The following NDST4 variants were observed in gnomAD, a reference collection of about 807,000 sequenced individuals.
NDST4 encodes N-heparan sulfate sulfotransferase 4.
Under a neutral mutation model 100.8 loss-of-function variants are expected in NDST4, and 63 were observed. The ratio of observed to expected loss-of-function variants is 0.62; its 90% confidence interval spans 0.51 to 0.77. The LOEUF (loss-of-function observed/expected upper bound fraction) is 0.77. NDST4 is among the 30% of genes least tolerant of loss of function. The pLI is 0.00. For missense variants in NDST4, 943 were observed against 1,018.4 expected (o/e 0.93, Z 1.01); for synonymous variants, 377 against 361.8 (o/e 1.04, Z -0.48).
intron 1 of NDST4, among the ~76,000 whole-genome samples, chr4:115,082,978 T>C (rs1729333216): frequency 6.6e-6 from 1 of 152,184 alleles, no homozygotes; most frequent in Non-Finnish European, 1.5e-5. Flanking sequence ...GTGTTGTAAA[T>C]TGGAATGACT....
chr4:114,994,509 C>A (rs1307528542), intron 2 of NDST4, among the ~76,000 whole-genome samples: 1 of 151,888 alleles, frequency 6.6e-6, no homozygotes, highest in Non-Finnish European at 1.5e-5. Flanking sequence ...ATGCTAGTAG[C>A]GTTTGAAACT....
rs907140510 is a variant in NDST4 at position 114,968,919 on chromosome 4, A to C, written c.1221+1511T>G. On this transcript the variant is annotated intron_variant, in intron 4 of 13. Transcript: ENST00000264363. The stretch of plus-strand genomic sequence containing the variant: ...AATGCAAATTGTCAGGCCTCTCTGC[A>C]GATCTACTGAATCAGAAACTGTGCT... Among the ~76,000 whole-genome samples the C allele has an allele frequency of 2.6e-5, 4 of 152,096 alleles. No homozygotes were observed. In the East Asian group the frequency reaches 7.7e-4, roughly 29 times the overall value.
At chr4:114,946,817 T>C (rs1220244466) in intron 4 of NDST4, among the ~76,000 whole-genome samples, 1 of 152,184 alleles carries the variant, frequency 6.6e-6, no homozygotes, top group Non-Finnish European at 1.5e-5. Context: ...TTTTAGGTTT[T>C]TACATAAAAA....
At chr4:115,109,017 G>A in intron 1 of NDST4, among the ~76,000 whole-genome samples, 1 of 150,924 alleles carries the variant, frequency 6.6e-6, no homozygotes, top group Non-Finnish European at 1.5e-5. Context: ...AAGGAAGAAG[G>A]AAGGAAAGAG....
intron 6 of NDST4, among the ~76,000 whole-genome samples, chr4:114,919,430 T>A (rs1725243276): frequency 6.6e-6 from 1 of 152,168 alleles, no homozygotes; most frequent in Non-Finnish European, 1.5e-5. Context: ...ACCTGAGGCA[T>A]GAAAGGCAGA....
chr4:114,833,855 G>A (rs756193121), intron 11 of NDST4, 140 bp from the exon 12 acceptor site: 44 of 552,492 alleles, frequency 8.0e-5, no homozygotes, highest in Admixed American at 1.1e-4. Context: ...GAATACATCC[G>A]AATGTTTATT....
chr4:114,976,555 T>C (rs1347924136), intron 3 of NDST4, among the ~76,000 whole-genome samples: 1 of 151,924 alleles, frequency 6.6e-6, no homozygotes, highest in Non-Finnish European at 1.5e-5. Flanking sequence ...GCAATCACAT[T>C]TTAAGAATTT....
chr4:115,101,320 G>C (rs998797655), intron 1 of NDST4, among the ~76,000 whole-genome samples: 4 of 152,014 alleles, frequency 2.6e-5, no homozygotes, highest in Non-Finnish European at 4.4e-5. Flanking sequence ...AAAAGTCTGT[G>C]AAATATCAAA....
At chr4:115,041,752 T>C (rs1405379387) in intron 2 of NDST4, among the ~76,000 whole-genome samples, 1 of 152,066 alleles carries the variant, frequency 6.6e-6, no homozygotes, top group Non-Finnish European at 1.5e-5. Context: ...TCACATTACA[T>C]ACCTGTGAGA....
chr4:114,914,728 T>G (rs2126216410), intron 6 of NDST4, among the ~76,000 whole-genome samples: 1 of 152,292 alleles, frequency 6.6e-6, no homozygotes, highest in Admixed American at 6.5e-5. Context: ...TCAAGTTTTG[T>G]TTTTGCTTAT....
chr4:115,033,157 A>ATATATATATATATTTTT (rs1491126767), intron 2 of NDST4, among the ~76,000 whole-genome samples: 1 of 59,946 alleles, frequency 1.7e-5, no homozygotes, highest in African/African-American at 5.8e-5. Context: ...ATATATATAT[A>ATATATATATATATTTTT]TTTTTTTTTT....
At chr4:115,092,926 A>G (rs1267842846) in intron 1 of NDST4, among the ~76,000 whole-genome samples, 1 of 152,196 alleles carries the variant, frequency 6.6e-6, no homozygotes, top group East Asian at 1.9e-4. Flanking sequence ...ATTGACTGAA[A>G]AAATCCAAGT....
chr4:114,873,581 T>C (rs1041077094), intron 6 of NDST4, among the ~76,000 whole-genome samples: 4 of 152,016 alleles, frequency 2.6e-5, no homozygotes, highest in Non-Finnish European at 5.9e-5. Flanking sequence ...TTATCTCAAA[T>C]AGAAAGTTCC....
intron 7 of NDST4, among the ~76,000 whole-genome samples, chr4:114,864,862 T>C (rs1187843368): frequency 3.9e-5 from 6 of 152,180 alleles, no homozygotes; most frequent in Non-Finnish European, 8.8e-5. Flanking sequence ...TGGTTCTGTG[T>C]CTGTCTGGGG....
At chr4:115,027,573 CAT>C (rs1326839264) in intron 2 of NDST4, among the ~76,000 whole-genome samples, 1 of 152,084 alleles carries the variant, frequency 6.6e-6, no homozygotes. Flanking sequence ...TTTATACACT[CAT>C]AAAAAGTGAG....
At chr4:115,040,229 A>C (rs1187549725) in intron 2 of NDST4, among the ~76,000 whole-genome samples, 2 of 150,992 alleles carry the variant, frequency 1.3e-5, no homozygotes, top group Non-Finnish European at 3.0e-5. Flanking sequence ...ATAAATATTA[A>C]AAATAAAATA....
intron 2 of NDST4, among the ~76,000 whole-genome samples, chr4:115,010,458 T>C (rs1241372532): frequency 7.8e-6 from 1 of 128,324 alleles, no homozygotes; most frequent in African/African-American, 3.0e-5. Flanking sequence ...ACACCGCATA[T>C]TCTTACTCAT....
chr4:114,848,176 G>C (rs753682355), intron 9 of NDST4, 39 bp downstream of exon 9: 2 of 1,548,578 alleles, frequency 1.3e-6, no homozygotes. Context: ...GATTGAGCAT[G>C]TGTTAATAAT....
rs796359548 is a variant in NDST4 at position 114,919,086 on chromosome 4, T to G, written c.1536+16120A>C. Reference sequence around the variant, plus strand: ...TACAGAATTGATCTCATTTGCATATTAAATATTTAAAATCTTAGCTAAAGA... The same window carrying G: ...TACAGAATTGATCTCATTTGCATATGAAATATTTAAAATCTTAGCTAAAGA... On this transcript the variant is annotated intron_variant, in intron 6 of 13. Transcript: ENST00000264363. 5.3e-5 allele frequency among the ~76,000 whole-genome samples: 8 copies of G among 152,324 alleles called. No homozygotes were observed. In the South Asian group the frequency reaches 1.7e-3, roughly 32 times the overall value.
Sources: allele counts gnomAD v4.1 joint callset (sites outside exome capture counted in the v4.1 genomes callset), GRCh38; gene constraint gnomAD v4.1.1; transcripts MANE v1.5; gene names NCBI Gene and HGNC (gene_info 2026-07-23, HGNC 2026-07-21).